The following TIAM1 variants were observed in gnomAD, a reference collection of about 807,000 sequenced individuals.
TIAM1 encodes rho guanine nucleotide exchange factor TIAM1.
In TIAM1, 65 loss-of-function variants were observed where a neutral mutation model predicts 163.5. The ratio of observed to expected loss-of-function variants is 0.40; its 90% CI spans 0.33 to 0.49. The LOEUF (loss-of-function observed/expected upper bound fraction) is 0.49. Ranked by LOEUF, TIAM1 falls within the 20% of genes least tolerant of loss-of-function variation. The probability of loss-of-function intolerance (pLI) is 0.77; values close to 1 mark genes in which losing one functional copy is unlikely to be tolerated. For missense variants in TIAM1, 1,789 were observed against 2,044.7 expected (o/e 0.87, Z 2.41); for synonymous variants, 833 against 810.1 (o/e 1.03, Z -0.48).
chr21:31,251,998 C>A lies in TIAM1; in HGVS notation c.1155G>T (p.Glu385Asp). ...TGDAARQGVY[E>D]NFRRELEMST... ...TCATCTCCAGCTCCCGCCGGAAGTT[C>A]TCGTACACCCCCTGACGAGCCGCAT... is the stretch of plus-strand genomic sequence containing the variant. Residue 385 changes from glutamate (E) to aspartate (D), a missense_variant, in exon 5 of 28, where the codon GAG becomes GAT. Physicochemically the swap from Glu to Asp is conservative, Grantham distance 45 (BLOSUM62 2). Transcript: ENST00000541036. 1 of 1,614,000 alleles carries A rather than the reference C, an allele frequency of 6.2e-7. No homozygotes were observed.
At chr21:31,309,529 T>A (rs2074844064) in intron 2 of TIAM1, among the ~76,000 whole-genome samples, 1 of 152,100 alleles carries the variant, frequency 6.6e-6, no homozygotes, top group Non-Finnish European at 1.5e-5. Context: ...GTGAAAAGCT[T>A]TTAAACTTAT....
intron 1 of TIAM1, among the ~76,000 whole-genome samples, chr21:31,485,596 G>A (rs956155711): frequency 4.6e-5 from 7 of 152,122 alleles, no homozygotes; most frequent in African/African-American, 1.2e-4. Flanking sequence ...TCCAGCAGCC[G>A]CCATTGTATC....
At chr21:31,478,088 G>A (rs1263253374) in intron 1 of TIAM1, among the ~76,000 whole-genome samples, 1 of 152,216 alleles carries the variant, frequency 6.6e-6, no homozygotes, top group African/African-American at 2.4e-5. Context: ...GGGAGAACTC[G>A]CAGTGAAGTT....
chr21:31,384,265 G>GA (rs570429769), intron 2 of TIAM1, among the ~76,000 whole-genome samples: 106 of 147,342 alleles, frequency 7.2e-4, no homozygotes, highest in African/African-American at 2.2e-3. Context: ...ATCATCAAAT[G>GA]AAAAAAAAAA....
At chr21:31,362,479 A>ATTATTATTATTAT (rs1191164944) in intron 2 of TIAM1, among the ~76,000 whole-genome samples, 3 of 145,370 alleles carry the variant, frequency 2.1e-5, no homozygotes, top group African/African-American at 7.7e-5. Flanking sequence ...TATTATTATT[A>ATTATTATTATTAT]TATTTGAGAA....
intron 1 of TIAM1, among the ~76,000 whole-genome samples, chr21:31,493,276 A>T (rs1053519478): frequency 5.3e-5 from 8 of 152,338 alleles, no homozygotes; most frequent in African/African-American, 1.9e-4. Context: ...TGCATAATCT[A>T]ATTAGGAGCA....
intron 2 of TIAM1, among the ~76,000 whole-genome samples, chr21:31,374,970 G>A (rs1469773272): frequency 6.6e-6 from 1 of 152,180 alleles, no homozygotes; most frequent in Non-Finnish European, 1.5e-5. Flanking sequence ...GAAGCAGAGA[G>A]AAATTTAGCA....
chr21:31,230,579 C>T (rs1289071329), intron 6 of TIAM1, among the ~76,000 whole-genome samples: 1 of 152,080 alleles, frequency 6.6e-6, no homozygotes, highest in African/African-American at 2.4e-5. Flanking sequence ...GGCTGGAGTG[C>T]CTGGGCATGA....
chr21:31,217,488 C>A, intron 9 of TIAM1, 65 bp downstream of exon 9: 1 of 1,564,592 alleles, frequency 6.4e-7, no homozygotes, highest in Non-Finnish European at 8.7e-7. Flanking sequence ...ACACACACAC[C>A]CCAAATTGAG....
Position 31,225,152 on chromosome 21 carries a change from C to T in TIAM1, c.1809+574G>A, listed in dbSNP as rs201166406. On this transcript the variant is annotated intron_variant, in intron 7 of 27. Transcript: ENST00000541036. ...CTCTCCTCTCGGCCTCCTGAGACTA[C>T]AGTTGCGGCTAATTTTTGTATTTTT... 2.0e-4 allele frequency among the ~76,000 whole-genome samples: 30 copies of T among 152,168 alleles called. No homozygotes were observed. The East Asian group carries it at 3.7e-3, about 19-fold the overall frequency.
At chr21:31,275,412 A>G (rs1418363922) in intron 3 of TIAM1, among the ~76,000 whole-genome samples, 1 of 152,208 alleles carries the variant, frequency 6.6e-6, no homozygotes, top group Non-Finnish European at 1.5e-5. Context: ...GCTGACAGCT[A>G]CAACAAAACG....
chr21:31,256,063 A>C (rs1166395743), intron 4 of TIAM1, among the ~76,000 whole-genome samples: 1 of 152,192 alleles, frequency 6.6e-6, no homozygotes, highest in Non-Finnish European at 1.5e-5. Flanking sequence ...CAAATGCTTA[A>C]ATGAGCTCCC....
intron 2 of TIAM1, among the ~76,000 whole-genome samples, chr21:31,352,067 C>CAA (rs59844425): frequency 8.7e-5 from 11 of 126,356 alleles, no homozygotes; most frequent in African/African-American, 1.2e-4. Flanking sequence ...GAGTCTGTCT[C>CAA]AAAAAAAAAA....
chr21:31,223,845 G>C (rs999564820), intron 7 of TIAM1, among the ~76,000 whole-genome samples: 2 of 152,138 alleles, frequency 1.3e-5, no homozygotes, highest in African/African-American at 4.8e-5. Context: ...GGGCATGATA[G>C]GTCTATCAAC....
intron 13 of TIAM1, among the ~76,000 whole-genome samples, chr21:31,188,924 C>T (rs1471990330): frequency 2.0e-5 from 3 of 151,840 alleles, no homozygotes; most frequent in Middle Eastern, 3.4e-3. Flanking sequence ...TACCAGGAAA[C>T]ACCTTTGCTT....
Position 31,141,888 on chromosome 21 carries a change from G to A in TIAM1, c.3476-384C>T, listed in dbSNP as rs2082863711. ...CCGCCCACGCTGGCCAGTTCCTGGA[G>A]ATAGTAAAAGACTTGCCAGGAAATG... On this transcript the variant is annotated intron_variant, in intron 20 of 27. Coordinates refer to ENST00000541036, the MANE Select transcript of TIAM1 (RefSeq NM_001353694.2). This position sits in a 1 kb window ranked among gnomAD's most constrained non-coding sequence, Gnocchi z 4.7. 1.3e-5 allele frequency among the ~76,000 whole-genome samples: 2 copies of A among 152,248 alleles called. No homozygotes were observed. The highest frequency in any genetic ancestry group is 1.9e-4 in the East Asian group (1 of 5,164).
chr21:31,444,593 G>C (rs954531804), intron 2 of TIAM1, among the ~76,000 whole-genome samples: 4 of 152,104 alleles, frequency 2.6e-5, no homozygotes, highest in African/African-American at 7.2e-5. Flanking sequence ...TGAGGGAAAT[G>C]AGACTGGACT....
chr21:31,355,708 C>T (rs2076306505), intron 2 of TIAM1, among the ~76,000 whole-genome samples: 2 of 151,960 alleles, frequency 1.3e-5, no homozygotes, highest in Admixed American at 1.3e-4. Flanking sequence ...CGTGCCACCA[C>T]ACTGGGCTAA....
At chr21:31,322,322 T>C (rs2075342068) in intron 2 of TIAM1, among the ~76,000 whole-genome samples, 1 of 152,158 alleles carries the variant, frequency 6.6e-6, no homozygotes. Flanking sequence ...CTCTGTGTGT[T>C]GCATCTGCCT....
Sources: allele counts gnomAD v4.1 joint callset (sites outside exome capture counted in the v4.1 genomes callset), GRCh38; gene constraint gnomAD v4.1.1; non-coding constraint Gnocchi (gnomAD v3.1); transcripts MANE v1.5; gene names NCBI Gene and HGNC (gene_info 2026-07-23, HGNC 2026-07-21).